PLB1: variants seen among roughly 807,000 people sequenced by gnomAD.
PLB1 encodes the protein phospholipase B1, membrane-associated.
In PLB1, 242 loss-of-function variants were observed where a neutral mutation model predicts 227.4. The observed-to-expected ratio is 1.06, with a 90% CI of 0.96 to 1.18. The LOEUF is 1.18. Among genes scored for constraint, PLB1 ranks in the 50% most tolerant of loss-of-function variants. The pLI is 0.00. For synonymous variants in PLB1, 757 were observed against 682.2 expected (o/e 1.11, Z -1.71); for missense variants, 1,858 against 1,816.3 (o/e 1.02, Z -0.42).
intron 8 of PLB1, among the ~76,000 whole-genome samples, chr2:28,530,332 A>G (rs1249710018): frequency 6.6e-6 from 1 of 152,172 alleles, no homozygotes; most frequent in African/African-American, 2.4e-5. Context: ...TGGGTAAGGC[A>G]CTTACCTCCC....
chr2:28,612,342 G>A (rs1685574966), intron 43 of PLB1, among the ~76,000 whole-genome samples: 1 of 152,116 alleles, frequency 6.6e-6, no homozygotes, highest in Admixed American at 6.6e-5. Flanking sequence ...TGACCAACAG[G>A]GTTTTTGTTG....
intron 16 of PLB1, 25 bp from the exon 17 acceptor site, chr2:28,552,903 T>A: frequency 1.2e-6 from 2 of 1,609,468 alleles, no homozygotes; most frequent in Non-Finnish European, 1.7e-6. Flanking sequence ...CCATTTTCCT[T>A]ATTTCCCTGT....
intron 17 of PLB1, among the ~76,000 whole-genome samples, chr2:28,562,806 T>C: frequency 6.6e-6 from 1 of 152,038 alleles, no homozygotes; most frequent in East Asian, 1.9e-4. Context: ...CCTTTCAGCT[T>C]CCTGTTCCTG....
chr2:28,535,027 A>T (rs964815185), intron 9 of PLB1, among the ~76,000 whole-genome samples: 1 of 152,148 alleles, frequency 6.6e-6, no homozygotes, highest in African/African-American at 2.4e-5. Flanking sequence ...GTGAGCACCT[A>T]TTCTCTACAA....
At chr2:28,537,358 T>C (rs546385722) in intron 9 of PLB1, among the ~76,000 whole-genome samples, 43 of 152,214 alleles carry the variant, frequency 2.8e-4, no homozygotes, top group Admixed American at 1.3e-3. Flanking sequence ...GGGACAAACT[T>C]AGAAGTTTGT....
At chr2:28,624,995 C>CCATGT (rs1402863949) in intron 49 of PLB1, 62 bp from the exon 50 acceptor site, 2 of 1,500,820 alleles carry the variant, frequency 1.3e-6, no homozygotes, top group African/African-American at 2.8e-5. Flanking sequence ...GGCCAAAATC[C>CCATGT]CATGTCGTGA....
chr2:28,631,927 C>A, intron 54 of PLB1, 109 bp from the exon 55 acceptor site: 1 of 859,114 alleles, frequency 1.2e-6, no homozygotes, highest in South Asian at 1.4e-5. Flanking sequence ...AAGTCACTGT[C>A]CTTTAGGGTG....
At chr2:28,541,603 G>C in intron 12 of PLB1, 104 bp from the exon 13 acceptor site, 1 of 793,018 alleles carries the variant, frequency 1.3e-6, no homozygotes. Context: ...CAACGCAAGA[G>C]GCAGATCCTG....
intron 1 of PLB1, among the ~76,000 whole-genome samples, chr2:28,512,040 C>T (rs1005581792): frequency 2.6e-5 from 4 of 151,332 alleles, no homozygotes; most frequent in Non-Finnish European, 4.4e-5. Context: ...ATCCACCCAC[C>T]TCAGCCTAGC....
intron 17 of PLB1, among the ~76,000 whole-genome samples, chr2:28,558,293 C>T (rs1325842865): frequency 2.0e-5 from 3 of 152,022 alleles, no homozygotes; most frequent in Non-Finnish European, 4.4e-5. Context: ...CTATCTCTGC[C>T]ATATTTTACC....
intron 17 of PLB1, among the ~76,000 whole-genome samples, chr2:28,562,540 C>CAACAAAAAAAAAA (rs1676216683): frequency 2.3e-5 from 1 of 42,606 alleles, no homozygotes; most frequent in Non-Finnish European, 3.9e-5. Flanking sequence ...GACTCTGTCT[C>CAACAAAAAAAAAA]AAAAAAAAAA....
chr2:28,630,819 C>T (rs979802484), intron 54 of PLB1, among the ~76,000 whole-genome samples, 155 bp downstream of exon 54: 1 of 152,166 alleles, frequency 6.6e-6, no homozygotes, highest in African/African-American at 2.4e-5. Flanking sequence ...GCAAATTGAA[C>T]ACCAAGGCCA....
intron 20 of PLB1, among the ~76,000 whole-genome samples, chr2:28,569,665 T>C (rs1315884765): frequency 2.6e-5 from 4 of 152,136 alleles, no homozygotes; most frequent in African/African-American, 9.7e-5. Flanking sequence ...ATTGAATCCA[T>C]AAAAAGTAGA....
At chr2:28,530,396 G>A (rs1670859748) in intron 8 of PLB1, among the ~76,000 whole-genome samples, 2 of 152,202 alleles carry the variant, frequency 1.3e-5, no homozygotes, top group Admixed American at 6.5e-5. Flanking sequence ...CTGCAGCAAA[G>A]GGTTTTGGGA....
At chr2:28,518,305 C>G (rs888460595) in intron 2 of PLB1, among the ~76,000 whole-genome samples, 161 bp from the exon 3 acceptor site, 2 of 152,184 alleles carry the variant, frequency 1.3e-5, no homozygotes, top group Non-Finnish European at 2.9e-5. Flanking sequence ...ACCAGATGAA[C>G]TGGGTATGGG....
At chr2:28,577,961 GCT>G in intron 21 of PLB1, 144 bp from the exon 22 acceptor site, 1 of 771,112 alleles carries the variant, frequency 1.3e-6, no homozygotes, top group Non-Finnish European at 2.2e-6. Flanking sequence ...TGGGGAAGAA[GCT>G]CTGCGACACG....
intron 2 of PLB1, among the ~76,000 whole-genome samples, chr2:28,517,963 C>T (rs1028434393): frequency 7.3e-5 from 11 of 151,700 alleles, no homozygotes; most frequent in African/African-American, 2.4e-4. Flanking sequence ...CAGCCTTCGC[C>T]TCCCGGTTCA....
At chr2:28,629,207 C>T in intron 53 of PLB1, 22 bp downstream of exon 53, 2 of 1,609,344 alleles carry the variant, frequency 1.2e-6, no homozygotes, top group Non-Finnish European at 8.5e-7. Context: ...GGTCACCGTC[C>T]CAAGGCAAGG....
chr2:28,563,304 G>T (rs1215458949), intron 18 of PLB1, among the ~76,000 whole-genome samples: 1 of 151,968 alleles, frequency 6.6e-6, no homozygotes, highest in East Asian at 1.9e-4. Flanking sequence ...CCTCCATTCT[G>T]GTCTCATCTT....
Sources: gnomAD v4.1 joint callset for allele counts (sites outside exome capture counted in the v4.1 genomes callset) on GRCh38, gnomAD v4.1.1 for gene constraint, MANE v1.5 for transcripts, NCBI Gene and HGNC (gene_info 2026-07-23, HGNC 2026-07-21) for gene names.